The following CFAP44 variants were observed in gnomAD, a reference collection of about 807,000 sequenced individuals.
CFAP44 encodes the protein cilia and flagella associated protein 44.
CFAP44 carries 134 observed loss-of-function variants against 216.2 expected under a neutral mutation model. The observed-to-expected ratio is 0.62, with a 90% CI of 0.54 to 0.72. CFAP44 has a LOEUF of 0.72. Among genes scored for constraint, CFAP44 ranks in the 30% least tolerant of loss-of-function variants. CFAP44 has a pLI of 0.00. For missense variants in CFAP44, 2,035 were observed against 2,182.1 expected (o/e 0.93, Z 1.34); for synonymous variants, 700 against 727.6 (o/e 0.96, Z 0.61).
At chr3:113,300,127 T>C (rs1471167133) in intron 32 of CFAP44, among the ~76,000 whole-genome samples, 4 of 152,212 alleles carry the variant, frequency 2.6e-5, no homozygotes, top group Non-Finnish European at 5.9e-5. Context: ...AAACTTTGCA[T>C]GCTCTCCCTT....
rs566648049 is a variant in CFAP44 at position 113,340,869 on chromosome 3, A to G, written c.3437+875T>C. ...CATGTGGGCTTGGAGAATGAGTACA[A>G]ATTTTTATAGAGTGGAAGTAGCTCT... is the stretch of plus-strand genomic sequence containing the variant. On this transcript the variant is annotated intron_variant, in intron 24 of 34. Transcript: ENST00000393845. 2.6e-5 allele frequency among the ~76,000 whole-genome samples: 4 copies of G among 152,284 alleles called. No individual in the cohort carries two copies. In the East Asian group the frequency reaches 7.7e-4, roughly 29 times the overall value.
At chr3:113,293,072 A>C (rs940311717) in intron 34 of CFAP44, among the ~76,000 whole-genome samples, 8 of 152,182 alleles carry the variant, frequency 5.3e-5, no homozygotes, top group Non-Finnish European at 1.0e-4. Context: ...AGTGAGAAAA[A>C]TGACTCCTAT....
intron 2 of CFAP44, among the ~76,000 whole-genome samples, chr3:113,430,417 GGAAAAA>G (rs1935073520): frequency 3.1e-5 from 4 of 127,564 alleles, no homozygotes; most frequent in East Asian, 2.3e-4. Flanking sequence ...TCAAGAAGCT[GGAAAAA>G]TAAATGAAAA....
chr3:113,367,431 A>G (rs1559925545), intron 18 of CFAP44, among the ~76,000 whole-genome samples: 1 of 152,254 alleles, frequency 6.6e-6, no homozygotes, highest in African/African-American at 2.4e-5. Context: ...GGTGATACCC[A>G]GGCAAACAGG....
intron 17 of CFAP44, among the ~76,000 whole-genome samples, chr3:113,377,656 C>T (rs6777880): frequency 0.55 from 83,103 of 151,818 alleles, 24,354 homozygotes; most frequent in African/African-American, 0.76. Context: ...CAAACAAAAA[C>T]ATATATATAT....
chr3:113,336,159 G>A (rs1419984285), intron 24 of CFAP44, among the ~76,000 whole-genome samples: 1 of 152,010 alleles, frequency 6.6e-6, no homozygotes, highest in Non-Finnish European at 1.5e-5. Context: ...ACATTAAGAA[G>A]CAAGAAACTA....
At chr3:113,430,368 A>T (rs1322188673) in intron 2 of CFAP44, among the ~76,000 whole-genome samples, 3 of 151,494 alleles carry the variant, frequency 2.0e-5, no homozygotes, top group Non-Finnish European at 4.4e-5. Flanking sequence ...GTAAGAAAAG[A>T]ACAAAAGTCA....
chr3:113,358,270 A>G (rs1287619186), intron 22 of CFAP44, among the ~76,000 whole-genome samples: 1 of 152,060 alleles, frequency 6.6e-6, no homozygotes, highest in Non-Finnish European at 1.5e-5. Context: ...ATCTGTAAAA[A>G]ATTTTCAAGA....
intron 22 of CFAP44, among the ~76,000 whole-genome samples, chr3:113,353,162 A>T (rs1559920638): frequency 6.6e-6 from 1 of 152,102 alleles, no homozygotes; most frequent in Non-Finnish European, 1.5e-5. Context: ...AGGCCTTAAG[A>T]GTGATGTCTG....
chr3:113,308,922 A>C (rs1423401809), intron 28 of CFAP44, among the ~76,000 whole-genome samples: 1 of 152,158 alleles, frequency 6.6e-6, no homozygotes, highest in Non-Finnish European at 1.5e-5. Flanking sequence ...AGATTTTCAT[A>C]AGTTATCTGA....
intron 15 of CFAP44, among the ~76,000 whole-genome samples, chr3:113,385,536 T>C (rs565234533): frequency 6.6e-6 from 1 of 152,342 alleles, no homozygotes; most frequent in East Asian, 1.9e-4. Context: ...AAGTTCCATA[T>C]CACTTGAGAA....
Position 113,308,185 on chromosome 3 carries a change from CCTCATCTTCTGATTCAGA to C in CFAP44, c.4582_4599del (p.Ser1528_Glu1533del). The stretch of plus-strand genomic sequence containing the variant: ...GTTGGGCAAATAGAATCATCAAAAA[CCTCATCTTCTGATTCAGA>C]CTCATCTTCATCACTCTCCAAGCTA... On this transcript the variant is annotated inframe_deletion, in exon 29 of 35. Coordinates refer to ENST00000393845, the MANE Select transcript of CFAP44 (RefSeq NM_001164496.2). 6.5e-7 allele frequency: 1 copy of C among 1,534,926 alleles called. No homozygotes were observed. The highest frequency in any genetic ancestry group is 8.7e-7 in the Non-Finnish European group (1 of 1,146,326).
intron 18 of CFAP44, among the ~76,000 whole-genome samples, chr3:113,369,725 G>T (rs1391060833): frequency 2.0e-5 from 3 of 152,064 alleles, no homozygotes; most frequent in Non-Finnish European, 1.5e-5. Context: ...AAATAACTAA[G>T]ATCAGAGCAG....
At chr3:113,335,668 A>G (rs901060283) in intron 24 of CFAP44, among the ~76,000 whole-genome samples, 1 of 152,214 alleles carries the variant, frequency 6.6e-6, no homozygotes, top group African/African-American at 2.4e-5. Flanking sequence ...ATTCAAGAAT[A>G]ATCATAAAAA....
rs76200328 is a variant in CFAP44 at position 113,361,020 on chromosome 3, A to C, written c.2934+2125T>G. On this transcript the variant is annotated intron_variant, in intron 21 of 34. Transcript: ENST00000393845. Reference sequence around the variant, plus strand: ...CCAGGTTCTGAATTCCATGCTGGGCACATTTATTGTTGCACAGGATTCCTG... The same window carrying C: ...CCAGGTTCTGAATTCCATGCTGGGCCCATTTATTGTTGCACAGGATTCCTG... 2.6e-3 allele frequency: 744 copies of C among 290,320 alleles called. 6 individuals are homozygous for C. Among genetic ancestry groups the C allele is most frequent in the African/African-American group, 0.016 (709 of 44,134 alleles). 18.0% of individuals were successfully genotyped at this position (290,320 alleles called of 1,614,324 possible). A position where few individuals can be genotyped will look rare whatever the true frequency, so the allele number is the denominator to read the frequency against.
intron 21 of CFAP44, among the ~76,000 whole-genome samples, chr3:113,361,596 C>A (rs1372322262): frequency 6.6e-6 from 1 of 150,842 alleles, no homozygotes; most frequent in Non-Finnish European, 1.5e-5. Context: ...CCAGGTTTCA[C>A]GCCATTCTCC....
intron 1 of CFAP44, among the ~76,000 whole-genome samples, chr3:113,439,022 T>C (rs1306432408): frequency 6.6e-6 from 1 of 152,224 alleles, no homozygotes; most frequent in East Asian, 1.9e-4. Context: ...TCGGGGACAT[T>C]CATTGTATTC....
In CFAP44 at chr3:113,288,562, C is replaced by T. The variant is rs1018512218; in HGVS notation, c.*2995G>A. 2.6e-5 allele frequency: 4 copies of T among 152,114 alleles called. No homozygotes were observed. The highest frequency in any genetic ancestry group is 5.9e-5 in the Non-Finnish European group (4 of 68,026). 9.4% of individuals were successfully genotyped at this position (152,114 alleles called of 1,614,324 possible). The stretch of plus-strand genomic sequence containing the variant: ...GTCATTGCTTTGCTATCCAGAGGCC[C>T]CCCAATCTGAGCTGTAACTCACCTT... On this transcript the variant is annotated 3_prime_UTR_variant, in exon 35 of 35. Coordinates refer to ENST00000393845, the MANE Select transcript of CFAP44 (RefSeq NM_001164496.2).
rs75262802 is a variant in CFAP44, at chr3:113,345,523, A to G, written c.3066-811T>C. Among the ~76,000 whole-genome samples the G allele has an allele frequency of 1.9e-3, 291 of 152,200 alleles. 2 individuals carry two copies. The highest frequency in any genetic ancestry group is 5.7e-3 in the African/African-American group (238 of 41,548). On this transcript the variant is annotated intron_variant, in intron 22 of 34. Transcript: ENST00000393845. ...TCTTCATTTCTACTCTTTGCCCCTCAATTTTCCATGTTTAATGACATTTAA... is the reference window on the plus strand; with the variant it reads ...TCTTCATTTCTACTCTTTGCCCCTCGATTTTCCATGTTTAATGACATTTAA...
Sources: allele counts gnomAD v4.1 joint callset (sites outside exome capture counted in the v4.1 genomes callset), GRCh38; gene constraint gnomAD v4.1.1; transcripts MANE v1.5; gene names NCBI Gene and HGNC (gene_info 2026-07-23, HGNC 2026-07-21).